Variants in PRKG1 observed in about 807,000 individuals in gnomAD.
The protein encoded by PRKG1 is cGMP-dependent protein kinase 1.
A neutral mutation model predicts 88.1 loss-of-function variants in PRKG1; 35 were observed. The observed-to-expected ratio is 0.40, with a 90% CI of 0.30 to 0.53. The LOEUF (loss-of-function observed/expected upper bound fraction) is 0.53, where lower values mean the gene tolerates loss of function less well. PRKG1 is among the 20% of genes least tolerant of loss of function. The pLI is 0.59. For missense variants in PRKG1, 540 were observed against 839.8 expected (o/e 0.64, Z 4.41); for synonymous variants, 303 against 292.5 (o/e 1.04, Z -0.37).
At chr10:52,073,217 G>C (rs1904030) in intron 7 of PRKG1, among the ~76,000 whole-genome samples, 26,118 of 152,104 alleles carry the variant, frequency 0.17, 2,846 homozygotes, top group South Asian at 0.28. Context: ...TCATTGAATG[G>C]AGGGCCCACC....
At chr10:51,061,079 G>GTGTGTGTGTGTC (rs1843687405) in intron 1 of PRKG1, among the ~76,000 whole-genome samples, 1 of 151,982 alleles carries the variant, frequency 6.6e-6, no homozygotes, top group African/African-American at 2.4e-5. Flanking sequence ...GTGTGTGTGT[G>GTGTGTGTGTGTC]TGTGTCTGTA....
rs183115371 is a variant in PRKG1 at position 52,257,490 on chromosome 10, G to A, written c.1173+5824G>A. Reference sequence around the variant, plus strand: ...TTCAAGAGCTTCCTACTGCCAAGCCGCACAGCAATGAAACAGAATAGCTAT... The same window carrying A: ...TTCAAGAGCTTCCTACTGCCAAGCCACACAGCAATGAAACAGAATAGCTAT... On this transcript the variant is annotated intron_variant, in intron 10 of 17. Transcript: ENST00000373980. 8.9e-4 allele frequency among the ~76,000 whole-genome samples: 125 copies of A among 139,982 alleles called. 31 individuals are homozygous for A. The highest frequency in any genetic ancestry group is 4.1e-4 in the East Asian group (2 of 4,858). 91.8% of individuals were successfully genotyped at this position (139,982 alleles called of 152,430 possible).
chr10:52,270,942 A>G (rs1362797596), intron 10 of PRKG1, among the ~76,000 whole-genome samples: 1 of 152,110 alleles, frequency 6.6e-6, no homozygotes, highest in Admixed American at 6.6e-5. Context: ...GAGGAAGAAT[A>G]TAAAGGCCCA....
intron 5 of PRKG1, among the ~76,000 whole-genome samples, chr10:51,983,306 C>T (rs890832739): frequency 6.6e-6 from 1 of 152,134 alleles, no homozygotes; most frequent in Admixed American, 6.5e-5. Context: ...CTGCTACACA[C>T]ACTGCTGGCA....
intron 3 of PRKG1, among the ~76,000 whole-genome samples, chr10:51,686,316 G>A (rs2132381092): frequency 6.6e-6 from 1 of 152,102 alleles, no homozygotes; most frequent in Non-Finnish European, 1.5e-5. Flanking sequence ...CCATCAAGTA[G>A]GCCCCAGTGC....
intron 2 of PRKG1, among the ~76,000 whole-genome samples, chr10:51,284,008 C>G (rs930822830): frequency 2.6e-5 from 4 of 152,180 alleles, no homozygotes; most frequent in South Asian, 4.1e-4. Flanking sequence ...GAACTGTCTG[C>G]TATACATATA....
intron 2 of PRKG1, among the ~76,000 whole-genome samples, chr10:51,252,881 G>GT (rs1294301065): frequency 6.6e-6 from 1 of 151,788 alleles, no homozygotes; most frequent in Admixed American, 6.6e-5. Context: ...AATCATTGTT[G>GT]TTTGGATCAG....
chr10:51,162,072 T>G (rs139167217), intron 2 of PRKG1, among the ~76,000 whole-genome samples: 1 of 152,358 alleles, frequency 6.6e-6, no homozygotes, highest in Non-Finnish European at 1.5e-5. Flanking sequence ...TTCAGTGATT[T>G]CTTTGTGGAG....
At chr10:51,275,576 A>G in intron 2 of PRKG1, among the ~76,000 whole-genome samples, 1 of 152,230 alleles carries the variant, frequency 6.6e-6, no homozygotes, top group East Asian at 1.9e-4. Context: ...TTATTTCTAA[A>G]TTAAATTCAG....
At chr10:51,325,387 C>A (rs561272186) in intron 2 of PRKG1, among the ~76,000 whole-genome samples, 1 of 151,952 alleles carries the variant, frequency 6.6e-6, no homozygotes. Context: ...TTAGTAGAGA[C>A]GCAGTTTCAC....
chr10:52,033,729 C>G (rs944757254), intron 5 of PRKG1, among the ~76,000 whole-genome samples: 1 of 152,088 alleles, frequency 6.6e-6, no homozygotes, highest in Non-Finnish European at 1.5e-5. Flanking sequence ...AGGGCTTCTA[C>G]TAAGTGGGTT....
chr10:51,084,604 T>C (rs1221408063), intron 1 of PRKG1, among the ~76,000 whole-genome samples: 2 of 152,242 alleles, frequency 1.3e-5, no homozygotes, highest in Non-Finnish European at 2.9e-5. Context: ...TATTTACTTA[T>C]GCTTTGGCTG....
chr10:51,551,601 A>T (rs1325597471), intron 3 of PRKG1, among the ~76,000 whole-genome samples: 1 of 151,790 alleles, frequency 6.6e-6, no homozygotes, highest in South Asian at 2.1e-4. Flanking sequence ...TATTCACTAA[A>T]TGCTTTGAGA....
chr10:51,571,561 A>G (rs1197052929), intron 3 of PRKG1, among the ~76,000 whole-genome samples: 1 of 151,902 alleles, frequency 6.6e-6, no homozygotes, highest in Non-Finnish European at 1.5e-5. Context: ...AGTCCCTTTT[A>G]AGAGAAGCAG....
intron 2 of PRKG1, among the ~76,000 whole-genome samples, chr10:51,323,682 T>C (rs1045901322): frequency 6.6e-6 from 1 of 152,228 alleles, no homozygotes; most frequent in Admixed American, 6.5e-5. Flanking sequence ...TAAATTGATA[T>C]GTCAGGCTGG....
At chr10:51,247,235 A>G (rs1337425080) in intron 2 of PRKG1, among the ~76,000 whole-genome samples, 1 of 151,958 alleles carries the variant, frequency 6.6e-6, no homozygotes, top group Non-Finnish European at 1.5e-5. Flanking sequence ...GCACTGGGAA[A>G]ATGATTCAAG....
chr10:51,071,625 A>G (rs1435783352), upstream of PRKG1, among the ~76,000 whole-genome samples: 1 of 152,232 alleles, frequency 6.6e-6, no homozygotes, highest in African/African-American at 2.4e-5. Context: ...CTATAGTTGC[A>G]TTTAGATATG....
At chr10:52,090,190 G>A (rs910979692) in intron 7 of PRKG1, among the ~76,000 whole-genome samples, 1 of 151,812 alleles carries the variant, frequency 6.6e-6, no homozygotes, top group Admixed American at 6.6e-5. Context: ...CTATACCTGG[G>A]GTAGGAAATT....
chr10:52,052,560 A>T (rs184399515), intron 5 of PRKG1, among the ~76,000 whole-genome samples: 2 of 152,218 alleles, frequency 1.3e-5, no homozygotes, highest in East Asian at 3.9e-4. Flanking sequence ...ACTTAGAAAG[A>T]AAAAGGTTTA....
Sources: allele counts gnomAD v4.1 joint callset (sites outside exome capture counted in the v4.1 genomes callset), GRCh38; gene constraint gnomAD v4.1.1; transcripts MANE v1.5; gene names NCBI Gene and HGNC (gene_info 2026-07-23, HGNC 2026-07-21).